MACROD2: variants seen among roughly 807,000 people sequenced by gnomAD.
MACROD2 encodes ADP-ribose glycohydrolase MACROD2.
Under a neutral mutation model 70.4 loss-of-function variants are expected in MACROD2, and 36 were observed. The ratio of observed to expected loss-of-function variants is 0.51; its 90% CI spans 0.39 to 0.68. The LOEUF (loss-of-function observed/expected upper bound fraction) is 0.68. MACROD2 is among the 30% of genes least tolerant of loss of function. The pLI is 0.00. For synonymous variants in MACROD2, 172 were observed against 178.8 expected (o/e 0.96, Z 0.30); for missense variants, 496 against 538.4 (o/e 0.92, Z 0.78).
intron 8 of MACROD2, among the ~76,000 whole-genome samples, chr20:15,531,853 T>A (rs921758974): frequency 6.6e-6 from 1 of 152,186 alleles, no homozygotes; most frequent in African/African-American, 2.4e-5. Context: ...ATCGAATAAT[T>A]GCATTCTATA....
At chr20:15,861,320 T>C (rs2064421424) in intron 8 of MACROD2, among the ~76,000 whole-genome samples, 1 of 152,182 alleles carries the variant, frequency 6.6e-6, no homozygotes, top group Non-Finnish European at 1.5e-5. Flanking sequence ...GAGATGAGCA[T>C]TCACTATTGC....
At chr20:14,609,884 A>T (rs930521669) in intron 4 of MACROD2, among the ~76,000 whole-genome samples, 4 of 152,160 alleles carry the variant, frequency 2.6e-5, no homozygotes, top group Non-Finnish European at 5.9e-5. Flanking sequence ...CAGTATTTTC[A>T]TACACGAAAT....
intron 5 of MACROD2, among the ~76,000 whole-genome samples, chr20:15,072,306 TTA>T (rs1383788777): frequency 7.2e-5 from 11 of 152,190 alleles, no homozygotes; most frequent in African/African-American, 2.7e-4. Flanking sequence ...GGCCTGGTAT[TTA>T]AAAAATAATT....
intron 12 of MACROD2, among the ~76,000 whole-genome samples, chr20:15,943,093 T>C (rs2065772732): frequency 6.6e-6 from 1 of 152,054 alleles, no homozygotes. Flanking sequence ...AAAATTGCTG[T>C]AGGAAAAGGG....
At chr20:14,055,325 G>A (rs946755216) in intron 2 of MACROD2, among the ~76,000 whole-genome samples, 3 of 151,578 alleles carry the variant, frequency 2.0e-5, no homozygotes, top group African/African-American at 2.4e-5. Flanking sequence ...TTGCAATGCC[G>A]CCCTCTAGTG....
intron 8 of MACROD2, among the ~76,000 whole-genome samples, chr20:15,570,698 C>A (rs1014924965): frequency 3.3e-5 from 5 of 152,148 alleles, no homozygotes; most frequent in African/African-American, 4.8e-5. Flanking sequence ...TTCTCAGGTT[C>A]ATTCAAGTTT....
intron 3 of MACROD2, among the ~76,000 whole-genome samples, chr20:14,108,833 C>T (rs980963505): frequency 7.9e-5 from 12 of 152,014 alleles, no homozygotes; most frequent in Non-Finnish European, 2.9e-5. Flanking sequence ...CTTCAACACC[C>T]CACTTTCAGC....
chr20:15,964,925 T>G (rs1185210148), intron 12 of MACROD2, among the ~76,000 whole-genome samples: 3 of 152,170 alleles, frequency 2.0e-5, no homozygotes, highest in African/African-American at 4.8e-5. Context: ...GGAGCAAAGT[T>G]TCACATACGT....
At chr20:15,220,687 C>G (rs2076852108) in intron 5 of MACROD2, among the ~76,000 whole-genome samples, 1 of 152,174 alleles carries the variant, frequency 6.6e-6, no homozygotes, top group Non-Finnish European at 1.5e-5. Context: ...ATTTATGGAT[C>G]TCATCTTTAA....
At chr20:14,303,817 A>G (rs1343212088) in intron 3 of MACROD2, among the ~76,000 whole-genome samples, 1 of 152,102 alleles carries the variant, frequency 6.6e-6, no homozygotes, top group Admixed American at 6.5e-5. Context: ...AAAATTTCCC[A>G]ATAGAGTCAT....
chr20:14,249,709 C>G (rs942300752), intron 3 of MACROD2, among the ~76,000 whole-genome samples: 1 of 151,882 alleles, frequency 6.6e-6, no homozygotes, highest in African/African-American at 2.4e-5. Context: ...TCTATCGTAC[C>G]TTGTAAAGCT....
intron 3 of MACROD2, among the ~76,000 whole-genome samples, chr20:14,155,064 A>G (rs1404831647): frequency 6.6e-6 from 1 of 152,180 alleles, no homozygotes; most frequent in African/African-American, 2.4e-5. Context: ...AATCTCTGTT[A>G]ATTTGAGTTA....
intron 3 of MACROD2, among the ~76,000 whole-genome samples, chr20:14,125,891 A>G (rs926629168): frequency 2.0e-5 from 3 of 152,208 alleles, no homozygotes; most frequent in Non-Finnish European, 4.4e-5. Flanking sequence ...ATTAGATTGA[A>G]TTAAACTAGA....
intron 7 of MACROD2, among the ~76,000 whole-genome samples, chr20:15,447,294 AG>A (rs898683800): frequency 6.6e-6 from 1 of 152,188 alleles, no homozygotes; most frequent in African/African-American, 2.4e-5. Flanking sequence ...ATTCCTGGGA[AG>A]GCAGAGCCTG....
intron 8 of MACROD2, among the ~76,000 whole-genome samples, chr20:15,706,452 A>G (rs1316558396): frequency 6.6e-6 from 1 of 152,160 alleles, no homozygotes; most frequent in Admixed American, 6.5e-5. Flanking sequence ...AATAATTCAC[A>G]CTCTCAAAAA....
At chr20:15,861,074 C>T (rs1428230995) in intron 8 of MACROD2, among the ~76,000 whole-genome samples, 1 of 152,180 alleles carries the variant, frequency 6.6e-6, no homozygotes, top group Non-Finnish European at 1.5e-5. Context: ...ACTGTTTACA[C>T]TTTGGTTTGA....
At chr20:15,316,881 T>TAAC (rs966829472) in intron 6 of MACROD2, among the ~76,000 whole-genome samples, 1 of 151,814 alleles carries the variant, frequency 6.6e-6, no homozygotes, top group Non-Finnish European at 1.5e-5. Flanking sequence ...TAGAAACCAA[T>TAAC]AACAACAACA....
At chr20:14,662,269 A>G (rs1368528340) in intron 4 of MACROD2, among the ~76,000 whole-genome samples, 1 of 152,108 alleles carries the variant, frequency 6.6e-6, no homozygotes, top group Non-Finnish European at 1.5e-5. Context: ...TGGTGCTGCG[A>G]TAACTGGCTA....
chr20:14,489,631 G>C (rs1426310536), intron 3 of MACROD2, among the ~76,000 whole-genome samples: 1 of 152,114 alleles, frequency 6.6e-6, no homozygotes, highest in Non-Finnish European at 1.5e-5. Context: ...AAACTAGGTG[G>C]TCAGGATTCT....
Sources: allele counts gnomAD v4.1 joint callset (sites outside exome capture counted in the v4.1 genomes callset), GRCh38; gene constraint gnomAD v4.1.1; transcripts MANE v1.5; gene names NCBI Gene and HGNC (gene_info 2026-07-23, HGNC 2026-07-21).